Variants in HCN3 observed in about 807,000 individuals in gnomAD.
HCN3 encodes the protein potassium/sodium hyperpolarization-activated cyclic nucleotide-gated channel 3.
In HCN3, 36 loss-of-function variants were observed where a neutral mutation model predicts 56.8. The observed-to-expected ratio is 0.63, with a 90% CI of 0.49 to 0.84. HCN3 has a LOEUF of 0.84. HCN3 is among the 40% of genes least tolerant of loss of function. HCN3 has a pLI of 0.00. For synonymous variants in HCN3, 425 were observed against 439.7 expected, an observed-to-expected ratio of 0.97 and a Z score of 0.42; for missense variants, 930 against 1,079.3, an observed-to-expected ratio of 0.86 and a Z score of 1.94.
chr1:155,283,519 T>C (rs1362029348), intron 2 of HCN3, among the ~76,000 whole-genome samples: 1 of 151,256 alleles, frequency 6.6e-6, no homozygotes, highest in African/African-American at 2.4e-5. Context: ...ACTCGTCACC[T>C]AGCATTAGGT....
intron 7 of HCN3, 100 bp from the exon 8 acceptor site, chr1:155,287,680 CA>C (rs1674345230): frequency 1.4e-6 from 2 of 1,474,736 alleles, no homozygotes; most frequent in Non-Finnish European, 1.8e-6. Flanking sequence ...CCCCTACCCT[CA>C]ACCCCACCCC....
chr1:155,283,808 A>G (rs1343499994), intron 2 of HCN3, among the ~76,000 whole-genome samples, 166 bp from the exon 3 acceptor site: 1 of 152,180 alleles, frequency 6.6e-6, no homozygotes, highest in African/African-American at 2.4e-5. Context: ...CATTAGCTAT[A>G]CATGTGTGCC....
At position 155,282,665 on chromosome 1, in the gene HCN3, T is replaced by C; in HGVS notation, c.533T>C (p.Ile178Thr). 6.2e-7 allele frequency: 1 copy of C among 1,614,216 alleles called. No individual in the cohort carries two copies. Among genetic ancestry groups the C allele is most frequent in the South Asian group, 1.1e-5 (1 of 91,086 alleles). Reference sequence around the variant, plus strand: ...CGCACCTGGTTCCTGGTTGACCTCATCTCTTCTATCCCTGTGGATTACATC... The same window carrying C: ...CGCACCTGGTTCCTGGTTGACCTCACCTCTTCTATCCCTGTGGATTACATC... ...YLRTWFLVDL[I>T]SSIPVDYIFL... The change falls in exon 2 of 8, where the codon ATC (isoleucine) becomes ACC (threonine). Residue 178 changes from isoleucine to threonine, a missense_variant. Ile to Thr is a moderately conservative substitution (Grantham distance 89). Coordinates refer to ENST00000368358, the MANE Select transcript of HCN3 (RefSeq NM_020897.3). The surrounding 1 kb of genome is among the most constrained non-coding windows in gnomAD (Gnocchi z 4.7).
intron 1 of HCN3, among the ~76,000 whole-genome samples, 165 bp downstream of exon 1, chr1:155,278,033 G>A (rs1673880096): frequency 6.6e-6 from 1 of 152,062 alleles, no homozygotes; most frequent in Admixed American, 6.5e-5. Flanking sequence ...GGGAATTCCT[G>A]GGCGGGTATC....
rs1055524782 is a variant in HCN3 at position 155,284,883 on chromosome 1, T to C, written c.1089+126T>C. 6.4e-6 allele frequency: 6 copies of C among 940,042 alleles called. No homozygotes were observed. The highest frequency in any genetic ancestry group is 9.5e-6 in the Non-Finnish European group (6 of 628,406). 58.2% of individuals were successfully genotyped at this position (940,042 alleles called of 1,614,324 possible). ...GTTTCCTTTCCTGCCCTGTGTCCATTTGTTCCCTGCCCCTGCATGTACCTT... is the reference window on the plus strand; with the variant it reads ...GTTTCCTTTCCTGCCCTGTGTCCATCTGTTCCCTGCCCCTGCATGTACCTT... On this transcript the variant is annotated intron_variant, in intron 4 of 7. Transcript: ENST00000368358. The surrounding 1 kb of genome is among the most constrained non-coding windows in gnomAD (Gnocchi z 4.3).
chr1:155,277,635 GA>G lies in HCN3; in HGVS notation c.46del (p.Thr16ProfsTer63). ...RPAAGASEGA[T>X]PGLEAVPPVA... The stretch of plus-strand genomic sequence containing the variant: ...CGGCGGCGGGGGCCAGCGAAGGGGC[GA>G]CCCCTGGACTGGAGGCGGTGCCTCC... On this transcript the variant is annotated frameshift_variant, in exon 1 of 8. Coordinates refer to ENST00000368358, the MANE Select transcript of HCN3 (RefSeq NM_020897.3). LOFTEE classifies it high-confidence loss of function. 1 of 1,554,572 alleles carries G rather than the reference GA, an allele frequency of 6.4e-7. No individual in the cohort carries two copies. The highest frequency in any genetic ancestry group is 8.7e-7 in the Non-Finnish European group (1 of 1,150,260).
Position 155,277,710 on chromosome 1 carries a change from TG to T in HCN3, c.123del (p.Pro42LeufsTer37). 1 of 1,580,238 alleles carries T rather than the reference TG, an allele frequency of 6.3e-7. No homozygotes were observed. Among genetic ancestry groups the T allele is most frequent in the Non-Finnish European group, 8.6e-7 (1 of 1,163,678 alleles). On this transcript the variant is annotated frameshift_variant, in exon 1 of 8. Coordinates refer to ENST00000368358, the MANE Select transcript of HCN3 (RefSeq NM_020897.3). LOFTEE classifies it high-confidence loss of function. ...TAASGPIPKS[G>X]PEPKRRHLGT... Reference sequence around the variant, plus strand: ...CGGCCTCAGGTCCGATCCCCAAATCTGGGCCTGAGCCTAAGAGGAGGCACCT... The same window carrying T: ...CGGCCTCAGGTCCGATCCCCAAATCTGGCCTGAGCCTAAGAGGAGGCACCT...
At chr1:155,279,887 A>G (rs1474395158) in intron 1 of HCN3, among the ~76,000 whole-genome samples, 2 of 151,994 alleles carry the variant, frequency 1.3e-5, no homozygotes, top group Non-Finnish European at 2.9e-5. Flanking sequence ...TAAATGATAT[A>G]TAGTAGGGAT....
chr1:155,288,397 G>GC lies in HCN3; in HGVS notation c.2265dup (p.Arg756GlnfsTer6). On this transcript the variant is annotated frameshift_variant, in exon 8 of 8. Coordinates refer to ENST00000368358, the MANE Select transcript of HCN3 (RefSeq NM_020897.3). LOFTEE classifies it high-confidence loss of function. The surrounding 1 kb of genome is among the most constrained non-coding windows in gnomAD (Gnocchi z 6.5). ...TGGCCAAACCTCCAAGGACAGCCCAGCCCCCCAGGCCACCAGTGCCTGAGC... is the reference window on the plus strand; with the variant it reads ...TGGCCAAACCTCCAAGGACAGCCCAGCCCCCCCAGGCCACCAGTGCCTGAGC... The GC allele has an allele frequency of 3.7e-6, 6 of 1,613,274 alleles. No individual in the cohort carries two copies. Among genetic ancestry groups the GC allele is most frequent in the Non-Finnish European group, 3.4e-6 (4 of 1,179,720 alleles).
intron 6 of HCN3, among the ~76,000 whole-genome samples, chr1:155,286,503 C>A (rs1206785805): frequency 6.6e-6 from 1 of 152,174 alleles, no homozygotes; most frequent in African/African-American, 2.4e-5. Flanking sequence ...AGGTTGCAAA[C>A]TACTGGGCCA....
At position 155,284,321 on chromosome 1, in the gene HCN3, A is replaced by AGG; in HGVS notation, c.870+187_870+188dup. ...GAAGTGCTCGTGTGTTGGAGGGAGC[A>AGG]GGCAAAGGAAGGGTACCTACCCGGA... On this transcript the variant is annotated intron_variant, in intron 3 of 7. Transcript: ENST00000368358. The surrounding 1 kb of genome is among the most constrained non-coding windows in gnomAD (Gnocchi z 4.3). 5 of 836,160 alleles carry AGG rather than the reference A, an allele frequency of 6.0e-6. No individual in the cohort carries two copies. Among genetic ancestry groups the AGG allele is most frequent in the Non-Finnish European group, 9.1e-6 (5 of 550,672 alleles). 51.8% of individuals were successfully genotyped at this position (836,160 alleles called of 1,614,324 possible).
rs1282955607 is a variant in HCN3 at position 155,285,498 on chromosome 1, C to T, written c.1236+187C>T. 2.0e-5 allele frequency among the ~76,000 whole-genome samples: 3 copies of T among 152,176 alleles called. No individual in the cohort carries two copies. The highest frequency in any genetic ancestry group is 4.4e-5 in the Non-Finnish European group (3 of 68,012). ...GAAGGCCCTTTGAGGGTGAAGGATA[C>T]ATGAGGAGGGACTATAGGGATCTCT... On this transcript the variant is annotated intron_variant, in intron 5 of 7. Coordinates refer to ENST00000368358, the MANE Select transcript of HCN3 (RefSeq NM_020897.3). This position sits in a 1 kb window ranked among gnomAD's most constrained non-coding sequence, Gnocchi z 4.5.
rs747674410 is a variant in HCN3, at chr1:155,277,575, A to G, written c.-16A>G. On this transcript the variant is annotated 5_prime_UTR_variant, in exon 1 of 8. An upstream open reading frame in the 5' UTR loses its in-frame stop. Transcript: ENST00000368358. The stretch of plus-strand genomic sequence containing the variant: ...GAGGGCTCTAGGAGGCCGAGCGTGT[A>G]AGCGGGGTGGGCGCCATGGAGGCAG... 1.3e-6 allele frequency: 2 copies of G among 1,555,898 alleles called. No individual in the cohort carries two copies. The highest frequency in any genetic ancestry group is 2.7e-5 in the African/African-American group (2 of 73,872).
At position 155,285,997 on chromosome 1, in the gene HCN3, C is replaced by T. The variant is rs183965127; in HGVS notation, c.1477+33C>T. On this transcript the variant is annotated intron_variant, in intron 6 of 7. Coordinates refer to ENST00000368358, the MANE Select transcript of HCN3 (RefSeq NM_020897.3). This position sits in a 1 kb window ranked among gnomAD's most constrained non-coding sequence, Gnocchi z 4.5. Reference sequence around the variant, plus strand: ...GGCCTCAGGGAGGGTGGCAGGGTCACGAGCAGACAGTGGAGAGGGCAACTG... The same window carrying T: ...GGCCTCAGGGAGGGTGGCAGGGTCATGAGCAGACAGTGGAGAGGGCAACTG... 1.6e-5 allele frequency: 25 copies of T among 1,549,584 alleles called. No homozygotes were observed. In the South Asian group the frequency reaches 2.1e-4, roughly 13 times the overall value.
chr1:155,287,687 A>C (rs1572044944), intron 7 of HCN3, 94 bp from the exon 8 acceptor site: 26 of 1,446,694 alleles, frequency 1.8e-5, no homozygotes, highest in African/African-American at 6.2e-5. Context: ...CCTCAACCCC[A>C]CCCCATCCTG....
At position 155,282,515 on chromosome 1, in the gene HCN3, T is replaced by C. The variant is rs1219107532; in HGVS notation, c.383T>C (p.Val128Ala). 1 of 1,614,222 alleles carries C rather than the reference T, an allele frequency of 6.2e-7. No homozygotes were observed. Among genetic ancestry groups the C allele is most frequent in the Non-Finnish European group, 8.5e-7 (1 of 1,180,044 alleles). The change falls in exon 2 of 8, where the codon GTC (valine) becomes GCC (alanine). Residue 128 changes from valine (V) to alanine (A), a missense_variant. By Grantham distance (64) the Val-to-Ala change is moderately conservative (BLOSUM62 0). Coordinates refer to ENST00000368358, the MANE Select transcript of HCN3 (RefSeq NM_020897.3). This position sits in a 1 kb window ranked among gnomAD's most constrained non-coding sequence, Gnocchi z 4.7. The stretch of plus-strand genomic sequence containing the variant: ...GAGGAGAACTCCCCGCCTTGGATCG[T>C]CTTCAACGTATTGTCTGATACTTTC... ...FKEENSPPWI[V>A]FNVLSDTFFL...
At position 155,282,459 on chromosome 1, in the gene HCN3, C is replaced by T. The variant is rs1200537880; in HGVS notation, c.327C>T (p.Ile109=). The part of the protein sequence containing the change: ...IMLLLMVGNL[I]VLPVGITFFK... The stretch of plus-strand genomic sequence containing the variant: ...TGCTGCTGATGGTGGGGAACCTCAT[C>T]GTCCTGCCTGTGGGCATCACCTTCT... Residue 109 remains isoleucine, a synonymous_variant, in exon 2 of 8, where the codon ATC becomes ATT. Coordinates refer to ENST00000368358, the MANE Select transcript of HCN3 (RefSeq NM_020897.3). This position sits in a 1 kb window ranked among gnomAD's most constrained non-coding sequence, Gnocchi z 4.7. The T allele has an allele frequency of 6.8e-6, 11 of 1,614,092 alleles. No individual in the cohort carries two copies. In the Admixed American group the frequency reaches 1.0e-4, roughly 15 times the overall value.
chr1:155,288,807 C>G lies in HCN3; in HGVS notation c.*344C>G, dbSNP rs969068167. ...TGGCTATGGTCCTGCCAGGTGCAGG[C>G]CCAGGCCCATGACCCCACCTTTACT... On this transcript the variant is annotated 3_prime_UTR_variant, in exon 8 of 8. Transcript: ENST00000368358. This position sits in a 1 kb window ranked among gnomAD's most constrained non-coding sequence, Gnocchi z 6.5. 9.0e-5 allele frequency: 26 copies of G among 288,468 alleles called. No individual in the cohort carries two copies. The highest frequency in any genetic ancestry group is 1.0e-3 in the Middle Eastern group (1 of 992). The allele number at this position is 288,468 out of a possible 1,614,324, so 17.9% of individuals were successfully genotyped here.
In HCN3 at chr1:155,285,223, G is replaced by T. The variant is rs141108222; in HGVS notation, c.1148G>T (p.Arg383Leu). ...FHKLPADTRQ[R>L]IHEYYEHRYQ... is the part of the protein sequence containing the mutation. Reference sequence around the variant, plus strand: ...AAGCTGCCAGCAGACACGCGGCAGCGCATCCACGAGTACTATGAGCACCGC... The same window carrying T: ...AAGCTGCCAGCAGACACGCGGCAGCTCATCCACGAGTACTATGAGCACCGC... The change falls in exon 5 of 8, where the codon CGC (arginine) becomes CTC (leucine). Residue 383 changes from arginine to leucine, a missense_variant. By Grantham distance (102) the Arg-to-Leu change is moderately radical (BLOSUM62 -2). Transcript: ENST00000368358. The surrounding 1 kb of genome is among the most constrained non-coding windows in gnomAD (Gnocchi z 4.5). The T allele has an allele frequency of 6.2e-7, 1 of 1,614,202 alleles. No individual in the cohort carries two copies. Among genetic ancestry groups the T allele is most frequent in the Non-Finnish European group, 8.5e-7 (1 of 1,180,036 alleles).
Sources: allele counts gnomAD v4.1 joint callset (sites outside exome capture counted in the v4.1 genomes callset), GRCh38; gene constraint gnomAD v4.1.1; non-coding constraint Gnocchi (gnomAD v3.1); transcripts MANE v1.5; gene names NCBI Gene and HGNC (gene_info 2026-07-23, HGNC 2026-07-21).